The following TAFA2 variants were observed in gnomAD, a reference collection of about 807,000 sequenced individuals.
TAFA2 encodes TAFA chemokine like family member 2, also known as chemokine-like protein TAFA-2.
In TAFA2, 7 loss-of-function variants were observed where a neutral mutation model predicts 18.8. The ratio of observed to expected loss-of-function variants is 0.37; its 90% CI spans 0.21 to 0.70. The LOEUF (loss-of-function observed/expected upper bound fraction) is 0.70, where lower values mean the gene tolerates loss of function less well. Ranked by LOEUF, TAFA2 falls within the 30% of genes least tolerant of loss-of-function variation. The probability of loss-of-function intolerance (pLI) is 0.53; values close to 1 mark genes in which losing one functional copy is unlikely to be tolerated. For missense variants in TAFA2, 122 were observed against 158.1 expected (o/e 0.77, Z 1.23); for synonymous variants, 60 against 54.2 (o/e 1.11, Z -0.47).
At chr12:61,723,828 C>T (rs898869765) in intron 4 of TAFA2, among the ~76,000 whole-genome samples, 1 of 151,948 alleles carries the variant, frequency 6.6e-6, no homozygotes, top group Non-Finnish European at 1.5e-5. Flanking sequence ...CAGTTAGAAG[C>T]TATCCCTTAA....
chr12:62,186,247 A>G (rs2062585136), intron 1 of TAFA2, among the ~76,000 whole-genome samples: 1 of 152,154 alleles, frequency 6.6e-6, no homozygotes, highest in Admixed American at 6.5e-5. Context: ...TGTTTGCATG[A>G]CCTTTAAAGG....
chr12:62,051,150 A>G (rs1882041990), intron 1 of TAFA2, among the ~76,000 whole-genome samples: 1 of 152,148 alleles, frequency 6.6e-6, no homozygotes, highest in Non-Finnish European at 1.5e-5. Flanking sequence ...GTAATATTTT[A>G]GCTCTGTGCT....
At chr12:62,219,382 T>C (rs1035147367) in intron 1 of TAFA2, among the ~76,000 whole-genome samples, 9 of 152,132 alleles carry the variant, frequency 5.9e-5, no homozygotes, top group Non-Finnish European at 1.3e-4. Context: ...ATGCAAAGCA[T>C]TGGCAGATAC....
At chr12:61,727,352 CTT>C (rs34325131) in intron 4 of TAFA2, among the ~76,000 whole-genome samples, 3 of 147,550 alleles carry the variant, frequency 2.0e-5, no homozygotes, top group Non-Finnish European at 4.5e-5. Flanking sequence ...GGTCCTGGAC[CTT>C]TTTTTTTTGA....
intron 1 of TAFA2, among the ~76,000 whole-genome samples, chr12:62,031,301 G>A (rs1349114892): frequency 1.3e-5 from 2 of 152,082 alleles, no homozygotes; most frequent in African/African-American, 4.8e-5. Flanking sequence ...AATGTGAAAA[G>A]AGAGACTGGC....
At chr12:61,794,674 C>T (rs1871119169) in intron 2 of TAFA2, among the ~76,000 whole-genome samples, 1 of 151,984 alleles carries the variant, frequency 6.6e-6, no homozygotes, top group Non-Finnish European at 1.5e-5. Flanking sequence ...TAAGCAGCCA[C>T]TAAAAGTCCT....
chr12:61,884,097 G>C (rs1361569369), intron 1 of TAFA2, among the ~76,000 whole-genome samples: 1 of 152,148 alleles, frequency 6.6e-6, no homozygotes, highest in Non-Finnish European at 1.5e-5. Context: ...AAAAGAGCAG[G>C]CTGGGGAAAG....
chr12:61,888,930 A>G (rs1205944187), intron 1 of TAFA2, among the ~76,000 whole-genome samples: 3 of 152,190 alleles, frequency 2.0e-5, no homozygotes, highest in Non-Finnish European at 4.4e-5. Flanking sequence ...ATTTTCAACA[A>G]AAGCTTTTTT....
At chr12:61,986,790 T>C (rs1349710351) in intron 1 of TAFA2, among the ~76,000 whole-genome samples, 2 of 152,234 alleles carry the variant, frequency 1.3e-5, no homozygotes, top group African/African-American at 4.8e-5. Flanking sequence ...TATGCTGTTT[T>C]ATATGCTTGA....
intron 1 of TAFA2, among the ~76,000 whole-genome samples, chr12:62,206,419 GATTT>G (rs2062691928): frequency 6.6e-6 from 1 of 152,080 alleles, no homozygotes; most frequent in Non-Finnish European, 1.5e-5. Flanking sequence ...AATTTTCCAA[GATTT>G]ATTATTGTTT....
intron 2 of TAFA2, among the ~76,000 whole-genome samples, chr12:61,827,514 C>G (rs1170345943): frequency 6.6e-6 from 1 of 151,790 alleles, no homozygotes; most frequent in Non-Finnish European, 1.5e-5. Flanking sequence ...CATCTCAGAG[C>G]CGGAAAAGGG....
chr12:62,210,239 A>G (rs890801065), intron 1 of TAFA2, among the ~76,000 whole-genome samples: 1 of 151,882 alleles, frequency 6.6e-6, no homozygotes, highest in African/African-American at 2.4e-5. Context: ...AGATTTACAA[A>G]TAGATTATTT....
chr12:62,205,092 G>A (rs2062686428), intron 1 of TAFA2, among the ~76,000 whole-genome samples: 1 of 152,188 alleles, frequency 6.6e-6, no homozygotes, highest in African/African-American at 2.4e-5. Context: ...TCCATGGGCT[G>A]CTGCAGTTTG....
chr12:62,132,834 C>A (rs1870744566), intron 1 of TAFA2, among the ~76,000 whole-genome samples: 1 of 151,862 alleles, frequency 6.6e-6, no homozygotes, highest in Non-Finnish European at 1.5e-5. Context: ...TACAATACAT[C>A]CATAGCTACA....
intron 1 of TAFA2, among the ~76,000 whole-genome samples, chr12:61,914,354 A>G (rs1876732570): frequency 6.6e-6 from 1 of 152,232 alleles, no homozygotes; most frequent in South Asian, 2.1e-4. Flanking sequence ...GAGACCCAAA[A>G]TATGGGTTGC....
intron 2 of TAFA2, among the ~76,000 whole-genome samples, chr12:61,795,254 C>T (rs1871143985): frequency 6.6e-6 from 1 of 152,280 alleles, no homozygotes; most frequent in South Asian, 2.1e-4. Flanking sequence ...GATTATAAAT[C>T]ATGCTGCTAT....
chr12:61,878,095 T>G (rs532769458), intron 1 of TAFA2: 3 of 455,260 alleles, frequency 6.6e-6, no homozygotes, highest in African/African-American at 6.0e-5. Flanking sequence ...ATACCTAGAA[T>G]AGTCAAATTC....
At chr12:62,087,828 T>C (rs927016017) in intron 1 of TAFA2, among the ~76,000 whole-genome samples, 1 of 152,042 alleles carries the variant, frequency 6.6e-6, no homozygotes, top group Admixed American at 6.6e-5. Context: ...GTTCTAACAG[T>C]AGGGACGGTG....
At chr12:61,920,186 T>G (rs996793967) in intron 1 of TAFA2, among the ~76,000 whole-genome samples, 1 of 152,174 alleles carries the variant, frequency 6.6e-6, no homozygotes, top group African/African-American at 2.4e-5. Context: ...CTTCTTCAAT[T>G]GACAGTTAAA....
Sources: gnomAD v4.1 joint callset for allele counts (sites outside exome capture counted in the v4.1 genomes callset) on GRCh38, gnomAD v4.1.1 for gene constraint, MANE v1.5 for transcripts, NCBI Gene and HGNC (gene_info 2026-07-23, HGNC 2026-07-21) for gene names.